Variants in ARHGEF6 observed in about 807,000 individuals in gnomAD.
The protein encoded by ARHGEF6 is Rac/Cdc42 guanine nucleotide exchange factor 6, also known as rho guanine nucleotide exchange factor 6.
ARHGEF6 carries 9 observed loss-of-function variants against 70.3 expected under a neutral mutation model. The observed-to-expected ratio is 0.13, with a 90% CI of 0.08 to 0.22. The LOEUF is 0.22. ARHGEF6 is among the 10% of genes least tolerant of loss of function. ARHGEF6 has a pLI of 1.00. For missense variants in ARHGEF6, 470 were observed against 563.0 expected (o/e 0.83, Z 1.67); for synonymous variants, 201 against 207.8 (o/e 0.97, Z 0.28).
intron 17 of ARHGEF6, among the ~76,000 whole-genome samples, chrX:136,677,604 A>G (rs897575624): frequency 2.7e-5 from 3 of 111,527 alleles, no homozygotes; most frequent in Non-Finnish European, 5.7e-5. Context: ...TAGGAAACAA[A>G]TCATTTAATT....
chrX:136,732,085 A>T lies in ARHGEF6; in HGVS notation c.732+17T>A. The T allele has an allele frequency of 2.5e-6, 3 of 1,185,322 alleles. No homozygotes were observed. Among genetic ancestry groups the T allele is most frequent in the Non-Finnish European group, 3.4e-6 (3 of 874,940 alleles). On this transcript the variant is annotated intron_variant, in intron 6 of 21. Transcript: ENST00000250617. ...TATAGAGTCAAGAAAATTTTTATTC[A>T]TCATCTGAACACTTACCACAGTATA...
intron 10 of ARHGEF6, 21 bp from the exon 11 acceptor site, chrX:136,688,012 A>G (rs2076421990): frequency 8.6e-7 from 1 of 1,162,221 alleles, no homozygotes; most frequent in Non-Finnish European, 1.2e-6. Flanking sequence ...AATACATTTG[A>G]AAACAATGTT....
intron 2 of ARHGEF6, among the ~76,000 whole-genome samples, chrX:136,769,161 C>A (rs1321185655): frequency 2.7e-5 from 3 of 111,682 alleles, no homozygotes; most frequent in Non-Finnish European, 3.8e-5. Flanking sequence ...CCTATAATCC[C>A]AGCACTTTGG....
At position 136,745,235 on chromosome X, in the gene ARHGEF6, C is replaced by T. The variant is rs757229614; in HGVS notation, c.447G>A (p.Gln149=). 55 of 1,210,410 alleles carry T rather than the reference C, an allele frequency of 4.5e-5. No individual in the cohort carries two copies. The South Asian group carries it at 9.1e-4, about 20-fold the overall frequency. Residue 149 remains glutamine, a synonymous_variant, in exon 4 of 22, where the codon CAG becomes CAA. Transcript: ENST00000250617. ...GGACTATACTTACCACTGTCTTTGACTGCCTTTGCAGCCCTGAAACTGTGC... is the reference window on the plus strand; with the variant it reads ...GGACTATACTTACCACTGTCTTTGATTGCCTTTGCAGCCCTGAAACTGTGC... ...VSSTVSGLQR[Q]SKTVEMTENG...
At chrX:136,706,284 T>A (rs765795247) in intron 9 of ARHGEF6, among the ~76,000 whole-genome samples, 23 of 112,051 alleles carry the variant, frequency 2.1e-4, no homozygotes, top group Non-Finnish European at 3.9e-4. Context: ...GCAACTTATA[T>A]TCATGTATAA....
chrX:136,746,313 T>A lies in ARHGEF6; in HGVS notation c.335-966A>T, dbSNP rs753722555. Among the ~76,000 whole-genome samples, 3 of 112,495 alleles carry A rather than the reference T, an allele frequency of 2.7e-5. No individual in the cohort carries two copies. In the South Asian group the frequency reaches 1.1e-3, roughly 41 times the overall value. On this transcript the variant is annotated intron_variant, in intron 3 of 21. Coordinates refer to ENST00000250617, the MANE Select transcript of ARHGEF6 (RefSeq NM_004840.3). ...TAGTTGTCATGTGTGTTAAATATAG[T>A]TACTTGAATTAGCTGTACTTTCAGC...
intron 9 of ARHGEF6, among the ~76,000 whole-genome samples, chrX:136,701,747 A>G (rs778159287): frequency 5.5e-4 from 46 of 84,230 alleles, no homozygotes; most frequent in African/African-American, 2.1e-3. Flanking sequence ...TCGCTCTGTC[A>G]CCCAGGCTGG....
chrX:136,765,701 G>GA (rs1385030741), intron 2 of ARHGEF6, among the ~76,000 whole-genome samples: 2 of 112,561 alleles, frequency 1.8e-5, no homozygotes, highest in South Asian at 3.6e-4. Flanking sequence ...AACGAACAAA[G>GA]AAAAAACCTA....
rs769630353 is a variant in ARHGEF6, at chrX:136,666,073, C to T, written c.*1956G>A. On this transcript the variant is annotated 3_prime_UTR_variant, in exon 22 of 22. Transcript: ENST00000250617. Reference sequence around the variant, plus strand: ...GATGTTGTTGGTGGTGGTGGTAGTACTGATGTTTTTAATTTTTAAGTGAAG... The same window carrying T: ...GATGTTGTTGGTGGTGGTGGTAGTATTGATGTTTTTAATTTTTAAGTGAAG... The T allele has an allele frequency of 2.7e-5, 3 of 112,470 alleles. No individual in the cohort carries two copies. Among genetic ancestry groups the T allele is most frequent in the Non-Finnish European group, 3.8e-5 (2 of 53,273 alleles). 9.3% of individuals were successfully genotyped at this position (112,470 alleles called of 1,213,427 possible).
intron 9 of ARHGEF6, among the ~76,000 whole-genome samples, chrX:136,691,890 T>G (rs1474788898): frequency 9.0e-6 from 1 of 111,572 alleles, no homozygotes; most frequent in East Asian, 2.8e-4. Context: ...TTCTCACTAC[T>G]CCCCAGCAGG....
At chrX:136,707,108 G>A in intron 8 of ARHGEF6, 78 bp from the exon 9 acceptor site, 1 of 1,117,163 alleles carries the variant, frequency 9.0e-7, no homozygotes, top group Admixed American at 2.2e-5. Flanking sequence ...ATTAAACCTG[G>A]CAGCATGAAA....
At chrX:136,680,072 C>T (rs962788964) in intron 15 of ARHGEF6, among the ~76,000 whole-genome samples, 1 of 112,208 alleles carries the variant, frequency 8.9e-6, no homozygotes, top group African/African-American at 3.2e-5. Context: ...TAGTAATTGG[C>T]AAAGCCAAGA....
intron 8 of ARHGEF6, among the ~76,000 whole-genome samples, chrX:136,707,717 C>T (rs1169186482): frequency 9.0e-6 from 1 of 111,695 alleles, no homozygotes; most frequent in African/African-American, 3.3e-5. Context: ...CTCTTGGCCC[C>T]TCAAGTCCCT....
intron 17 of ARHGEF6, among the ~76,000 whole-genome samples, chrX:136,677,475 G>A (rs181095436): frequency 9.0e-6 from 1 of 111,695 alleles, no homozygotes; most frequent in Non-Finnish European, 1.9e-5. Flanking sequence ...CCAATAATCT[G>A]TAAACAGATT....
At chrX:136,767,696 C>T (rs2077331888) in intron 2 of ARHGEF6, 1 of 753,169 alleles carries the variant, frequency 1.3e-6, no homozygotes, top group Non-Finnish European at 1.6e-6. Flanking sequence ...CGCTCAGCTA[C>T]CCGCGCCGGT....
At chrX:136,710,334 T>C (rs1329204300) in intron 7 of ARHGEF6, among the ~76,000 whole-genome samples, 1 of 98,385 alleles carries the variant, frequency 1.0e-5, no homozygotes, top group Non-Finnish European at 2.0e-5. Context: ...ATTATACATA[T>C]ATATATATAT....
Position 136,680,861 on chromosome X carries a change from C to G in ARHGEF6, c.1574G>C (p.Arg525Thr). ...GTTGTTGTTACAATGGACCACAATT[C>G]TCTCCACTGTGTTACCTACATCCCC... ...TFEITGNTVE[R>T]IVVHCNNNQD... Residue 525 changes from arginine (R) to threonine (T), a missense_variant, in exon 15 of 22, where the codon AGA (arginine) becomes ACA (threonine). Around this residue, in one of 3 missense-constraint regions of ARHGEF6, gnomAD observed 379 missense variants for 449.3 expected, o/e 0.84. Transcript: ENST00000250617. 9.1e-6 allele frequency: 11 copies of G among 1,211,781 alleles called. No homozygotes were observed. Among genetic ancestry groups the G allele is most frequent in the Non-Finnish European group, 1.2e-5 (11 of 895,424 alleles).
chrX:136,675,354 G>C (rs1474793750), intron 18 of ARHGEF6, among the ~76,000 whole-genome samples: 7 of 109,023 alleles, frequency 6.4e-5, no homozygotes, highest in South Asian at 4.1e-4. Context: ...CCGGGGTGGG[G>C]GGGGCGGTGT....
rs1427741177 is a variant in ARHGEF6 at position 136,677,951 on chromosome X, C to T, written c.1836G>A (p.Met612Ile). 8.3e-7 allele frequency: 1 copy of T among 1,205,469 alleles called. No individual in the cohort carries two copies. Among genetic ancestry groups the T allele is most frequent in the Non-Finnish European group, 1.1e-6 (1 of 890,046 alleles). ...CTACCCTTACCTTTAAGATATAAGACATCCTCTAAAATGAATATGTAAAGA... is the reference window on the plus strand; with the variant it reads ...CTACCCTTACCTTTAAGATATAAGATATCCTCTAAAATGAATATGTAAAGA... Reference protein sequence around the residue: ...PSAALGYKERMSYILKESSKS... With the variant: ...PSAALGYKERISYILKESSKS... The change falls in exon 17 of 22, where the codon ATG becomes ATA. Residue 612 changes from methionine to isoleucine, a missense_variant. Transcript: ENST00000250617.
Sources: allele counts gnomAD v4.1 joint callset (sites outside exome capture counted in the v4.1 genomes callset), GRCh38; gene constraint gnomAD v4.1.1; regional missense constraint gnomAD v4.1.1; transcripts MANE v1.5; gene names NCBI Gene and HGNC (gene_info 2026-07-23, HGNC 2026-07-21).